SBF2: variants seen among roughly 807,000 people sequenced by gnomAD.
The protein encoded by SBF2 is SET binding factor 2.
SBF2 carries 112 observed loss-of-function variants against 225.2 expected under a neutral mutation model. That is an observed-to-expected ratio of 0.50 (90% CI 0.43 to 0.58). The LOEUF (loss-of-function observed/expected upper bound fraction) is 0.58. SBF2 is among the 20% of genes least tolerant of loss of function. The pLI, the probability that SBF2 is intolerant of heterozygous loss-of-function variation, is 0.00. For synonymous variants in SBF2, 763 were observed against 773.3 expected, an observed-to-expected ratio of 0.99 and a Z score of 0.22; for missense variants, 1,996 against 2,206.2, an observed-to-expected ratio of 0.90 and a Z score of 1.91.
intron 3 of SBF2, among the ~76,000 whole-genome samples, chr11:10,035,155 T>C (rs1949388711): frequency 6.6e-6 from 1 of 151,998 alleles, no homozygotes; most frequent in Non-Finnish European, 1.5e-5. Context: ...TTTGTATTTT[T>C]AGTAGAGATG....
At chr11:9,945,813 C>T (rs1865528552) in intron 16 of SBF2, among the ~76,000 whole-genome samples, 1 of 151,846 alleles carries the variant, frequency 6.6e-6, no homozygotes, top group Non-Finnish European at 1.5e-5. Context: ...TATACATGGC[C>T]AACAAGTATA....
intron 2 of SBF2, among the ~76,000 whole-genome samples, chr11:10,149,970 C>T (rs1175302749): frequency 6.6e-6 from 1 of 152,078 alleles, no homozygotes; most frequent in Admixed American, 6.6e-5. Flanking sequence ...ACGTCATGCT[C>T]ATTATTTTCA....
intron 6 of SBF2, among the ~76,000 whole-genome samples, chr11:10,008,781 G>A (rs1309522394): frequency 1.3e-5 from 2 of 152,210 alleles, no homozygotes. Context: ...CAGTCCAGCT[G>A]GCTCCCAGAT....
At chr11:9,827,476 T>G (rs944524471) in intron 28 of SBF2, among the ~76,000 whole-genome samples, 2 of 151,392 alleles carry the variant, frequency 1.3e-5, no homozygotes, top group Non-Finnish European at 2.9e-5. Flanking sequence ...CTGCAGTTAG[T>G]TAGCTATGAC....
chr11:9,829,414 A>C lies in SBF2; in HGVS notation c.3735T>G (p.His1245Gln), dbSNP rs777736706. The part of the protein sequence containing the change: ...LQALLNAVSV[H>Q]QKLRGNSTLT... The stretch of plus-strand genomic sequence containing the variant: ...GAGTGCTGTTGCCTCTGAGTTTCTG[A>C]TGGACAGAAACAGCATTCAGTAAGG... Residue 1245 changes from histidine to glutamine, a missense_variant, in exon 28 of 40, where the codon CAT becomes CAG. Coordinates refer to ENST00000256190, the MANE Select transcript of SBF2 (RefSeq NM_030962.4). The C allele has an allele frequency of 1.1e-5, 18 of 1,613,410 alleles. No homozygotes were observed. The South Asian group carries it at 2.0e-4, about 18-fold the overall frequency.
intron 6 of SBF2, among the ~76,000 whole-genome samples, chr11:10,005,134 A>G (rs1019357815): frequency 6.6e-6 from 1 of 152,216 alleles, no homozygotes; most frequent in African/African-American, 2.4e-5. Flanking sequence ...AGACAGAAAC[A>G]TCAGAAACTG....
At chr11:9,886,861 A>T (rs1000517644) in intron 17 of SBF2, among the ~76,000 whole-genome samples, 4 of 152,184 alleles carry the variant, frequency 2.6e-5, no homozygotes, top group Non-Finnish European at 5.9e-5. Context: ...GTATTCTTAC[A>T]GTACTTAGAT....
chr11:10,081,534 A>G (rs1951362281), intron 2 of SBF2, among the ~76,000 whole-genome samples: 1 of 152,082 alleles, frequency 6.6e-6, no homozygotes, highest in Admixed American at 6.6e-5. Context: ...TGAGACGGAT[A>G]GATCGTCTGA....
In SBF2 at chr11:9,856,791, T is replaced by C. The variant is rs536733517; in HGVS notation, c.2101-71A>G. The C allele has an allele frequency of 4.7e-6, 7 of 1,486,730 alleles. No homozygotes were observed. The East Asian group carries it at 1.4e-4, about 29-fold the overall frequency. 92.1% of individuals were successfully genotyped at this position (1,486,730 alleles called of 1,614,324 possible). The stretch of plus-strand genomic sequence containing the variant: ...GTGAGCTTAAAAAACATAGATTTTT[T>C]TTTTTTTTTTTTTTGAGACGGAGTC... On this transcript the variant is annotated intron_variant, in intron 18 of 39. Transcript: ENST00000256190.
chr11:10,141,964 G>A (rs552011684), intron 2 of SBF2, among the ~76,000 whole-genome samples: 1 of 152,204 alleles, frequency 6.6e-6, no homozygotes, highest in East Asian at 1.9e-4. Context: ...TCCTCTTTAA[G>A]CTCTTAACCT....
At chr11:9,895,354 T>C (rs1419705740) in intron 17 of SBF2, among the ~76,000 whole-genome samples, 2 of 152,336 alleles carry the variant, frequency 1.3e-5, no homozygotes, top group East Asian at 3.9e-4. Flanking sequence ...GGTTATCTAA[T>C]TCTTTACAAG....
chr11:9,806,443 A>C (rs937205504), intron 32 of SBF2, among the ~76,000 whole-genome samples: 2 of 152,218 alleles, frequency 1.3e-5, no homozygotes, highest in Non-Finnish European at 2.9e-5. Context: ...ACCTGCCTAG[A>C]AGTGAGAAGA....
chr11:10,010,536 T>A (rs938314714), intron 6 of SBF2, among the ~76,000 whole-genome samples: 3 of 152,196 alleles, frequency 2.0e-5, no homozygotes, highest in Non-Finnish European at 4.4e-5. Context: ...TTGTCAAAGA[T>A]CAGATGGTTG....
intron 19 of SBF2, among the ~76,000 whole-genome samples, chr11:9,855,951 G>C (rs1488173527): frequency 6.6e-6 from 1 of 152,206 alleles, no homozygotes; most frequent in Admixed American, 6.5e-5. Flanking sequence ...AAGAGTGATA[G>C]GAAATAGGGG....
intron 2 of SBF2, among the ~76,000 whole-genome samples, chr11:10,134,367 GC>G (rs940843214): frequency 7.3e-5 from 11 of 151,256 alleles, no homozygotes; most frequent in African/African-American, 1.5e-4. Flanking sequence ...TTCTGCCCTG[GC>G]CCCCCCCAAA....
intron 2 of SBF2, among the ~76,000 whole-genome samples, chr11:10,182,688 G>T (rs181173248): frequency 4.7e-4 from 71 of 152,152 alleles, no homozygotes; most frequent in African/African-American, 1.7e-3. Context: ...CAAGTATGTG[G>T]AACTACAGGC....
chr11:10,103,903 A>C (rs757058922), intron 2 of SBF2, among the ~76,000 whole-genome samples: 2 of 152,168 alleles, frequency 1.3e-5, no homozygotes, highest in African/African-American at 2.4e-5. Context: ...CAACATAGTC[A>C]GACCTCATTG....
intron 33 of SBF2, chr11:9,790,927 T>TATC (rs1852702426): frequency 2.5e-6 from 1 of 395,276 alleles, no homozygotes; most frequent in African/African-American, 2.1e-5. Context: ...GCCAGCAGTC[T>TATC]ATCAATCATG....
intron 38 of SBF2, 66 bp from the exon 39 acceptor site, chr11:9,781,704 C>T (rs1852020014): frequency 4.4e-6 from 7 of 1,587,102 alleles, no homozygotes; most frequent in Non-Finnish European, 6.0e-6. Flanking sequence ...GCTTTTCAAA[C>T]TGCATTTGAA....
Sources: allele counts gnomAD v4.1 joint callset (sites outside exome capture counted in the v4.1 genomes callset), GRCh38; gene constraint gnomAD v4.1.1; transcripts MANE v1.5; gene names NCBI Gene and HGNC (gene_info 2026-07-23, HGNC 2026-07-21).